PFKFB3: variants seen among roughly 807,000 people sequenced by gnomAD.
PFKFB3 encodes 6-phosphofructo-2-kinase/fructose-2,6-biphosphatase 3, also known as 6-phosphofructo-2-kinase/fructose-2,6-bisphosphatase 3.
Under a neutral mutation model 68.0 loss-of-function variants are expected in PFKFB3, and 33 were observed. That is an observed-to-expected ratio of 0.49 (90% CI 0.37 to 0.65). The LOEUF (loss-of-function observed/expected upper bound fraction) is 0.65, where lower values mean the gene tolerates loss of function less well. PFKFB3 is among the 30% of genes least tolerant of loss of function. The pLI is 0.00. For synonymous variants in PFKFB3, 315 were observed against 288.2 expected (o/e 1.09, Z -0.94); for missense variants, 586 against 712.2 (o/e 0.82, Z 2.02).
chr10:6,298,611 C>T, the PFKFB3 span, among the ~76,000 whole-genome samples: 1 of 152,168 alleles, frequency 6.6e-6, no homozygotes, highest in Non-Finnish European at 1.5e-5. Flanking sequence ...AGCAATCCTC[C>T]TGCCTCGGCC....
the PFKFB3 span, among the ~76,000 whole-genome samples, chr10:6,319,034 T>A: frequency 6.6e-6 from 1 of 152,170 alleles, no homozygotes; most frequent in Non-Finnish European, 1.5e-5. Context: ...TTGATCAATA[T>A]TCTCGGGAGG....
chr10:6,215,521 A>G lies in PFKFB3; in HGVS notation c.299+204A>G, dbSNP rs1455714806. Among the ~76,000 whole-genome samples, 1 of 151,920 alleles carries G rather than the reference A, an allele frequency of 6.6e-6. No homozygotes were observed. Among genetic ancestry groups the G allele is most frequent in the Admixed American group, 6.6e-5 (1 of 15,258 alleles). Reference sequence around the variant, plus strand: ...GAGCCAGGCTCTGTAGGAGGCAGAGAAAGCCGGCCTGCGGGTGGGTCCTGC... The same window carrying G: ...GAGCCAGGCTCTGTAGGAGGCAGAGGAAGCCGGCCTGCGGGTGGGTCCTGC... On this transcript the variant is annotated intron_variant, in intron 3 of 14. Transcript: ENST00000379775. This position sits in a 1 kb window ranked among gnomAD's most constrained non-coding sequence, Gnocchi z 4.3.
At chr10:6,271,319 C>G in the PFKFB3 span, among the ~76,000 whole-genome samples, 1 of 152,192 alleles carries the variant, frequency 6.6e-6, no homozygotes, top group Non-Finnish European at 1.5e-5. Flanking sequence ...TTTCCTGGTG[C>G]GTGTGTGATG....
At chr10:6,273,908 A>T in the PFKFB3 span, among the ~76,000 whole-genome samples, 9,283 of 152,166 alleles carry the variant, frequency 0.061, 518 homozygotes, top group African/African-American at 0.13. Context: ...ATCAGGAGAA[A>T]ATAAATTTTT....
At chr10:6,295,252 A>G in the PFKFB3 span, among the ~76,000 whole-genome samples, 5,279 of 151,804 alleles carry the variant, frequency 0.035, 296 homozygotes, top group African/African-American at 0.12. Flanking sequence ...AAGGAGTCTC[A>G]CTCTTGTTGC....
chr10:6,193,703 T>C (rs753178233), intron 1 of PFKFB3, among the ~76,000 whole-genome samples: 2 of 152,172 alleles, frequency 1.3e-5, no homozygotes, highest in Non-Finnish European at 2.9e-5. Flanking sequence ...TCTTATAGGT[T>C]TTGGGATAGG....
At chr10:6,252,863 G>A (rs1458460321) in intron 14 of PFKFB3, among the ~76,000 whole-genome samples, 1 of 152,218 alleles carries the variant, frequency 6.6e-6, no homozygotes, top group African/African-American at 2.4e-5. Flanking sequence ...AAGTAGGGGA[G>A]AGGGATGATA....
intron 14 of PFKFB3, chr10:6,231,165 TA>T (rs1845714812): frequency 1.1e-6 from 1 of 920,328 alleles, no homozygotes; most frequent in Non-Finnish European, 1.8e-6. Context: ...CCTTCATTTT[TA>T]AAATTTCAAA....
rs1028145122 is a variant in PFKFB3 at position 6,229,896 on chromosome 10, C to T, written c.1516-2999C>T. 1.3e-5 allele frequency among the ~76,000 whole-genome samples: 2 copies of T among 152,116 alleles called. No homozygotes were observed. Among genetic ancestry groups the T allele is most frequent in the Non-Finnish European group, 2.9e-5 (2 of 68,022 alleles). On this transcript the variant is annotated intron_variant, in intron 14 of 14. Coordinates refer to ENST00000379775, the MANE Select transcript of PFKFB3 (RefSeq NM_004566.4). This position sits in a 1 kb window ranked among gnomAD's most constrained non-coding sequence, Gnocchi z 4.3. ...AAGGGAACGCACAGCCTAGATCCCTCGTGTGTGCTCCTCCGAGTCAGGTGG... is the reference window on the plus strand; with the variant it reads ...AAGGGAACGCACAGCCTAGATCCCTTGTGTGTGCTCCTCCGAGTCAGGTGG...
rs628387 is a variant in PFKFB3, at chr10:6,169,102, G to A, written c.16+24089G>A. Among the ~76,000 whole-genome samples, 1,006 of 152,208 alleles carry A rather than the reference G, an allele frequency of 6.6e-3. 10 individuals carry two copies. Among genetic ancestry groups the A allele is most frequent in the Non-Finnish European group, 0.011 (731 of 68,022 alleles). ...GCTACAGGCATGTGCCACCACGCCC[G>A]GCAAATTTTTTGTATTTTTAGTAGA... On this transcript the variant is annotated intron_variant, in intron 1 of 14. Coordinates refer to the PFKFB3 transcript ENST00000379789.
At chr10:6,245,384 T>C (rs1056000000) in intron 14 of PFKFB3, among the ~76,000 whole-genome samples, 1 of 148,148 alleles carries the variant, frequency 6.8e-6, no homozygotes, top group Non-Finnish European at 1.5e-5. Flanking sequence ...CATGAGCTAC[T>C]GCACCCGGCC....
At chr10:6,230,719 CTT>C (rs758707598) in intron 14 of PFKFB3, among the ~76,000 whole-genome samples, 7 of 143,044 alleles carry the variant, frequency 4.9e-5, no homozygotes, top group Non-Finnish European at 9.2e-5. Flanking sequence ...GGCCTGAAGT[CTT>C]TTTTTTTTTT....
intron 1 of PFKFB3, among the ~76,000 whole-genome samples, chr10:6,208,173 C>T (rs186973352): frequency 2.1e-4 from 32 of 152,210 alleles, no homozygotes; most frequent in Admixed American, 6.5e-5. Context: ...CTCCTGGGCT[C>T]AAGCAATCCT....
intron 6 of PFKFB3, 99 bp downstream of exon 6, chr10:6,217,290 G>C (rs1452919006): frequency 2.8e-6 from 3 of 1,065,894 alleles, no homozygotes; most frequent in African/African-American, 3.1e-5. Flanking sequence ...CGGAAGCGCA[G>C]CTGAGCCCTT....
At chr10:6,151,309 C>T (rs571532331) in intron 1 of PFKFB3, among the ~76,000 whole-genome samples, 3 of 152,036 alleles carry the variant, frequency 2.0e-5, no homozygotes, top group East Asian at 2.0e-4. Flanking sequence ...CTGGCACTTC[C>T]GCAAGCAGCC....
the PFKFB3 span, among the ~76,000 whole-genome samples, chr10:6,286,532 C>T: frequency 9.9e-4 from 150 of 152,254 alleles, 1 homozygote; most frequent in African/African-American, 3.5e-3. Flanking sequence ...CGTAGGCCAC[C>T]GTGCCCAGTT....
intron 1 of PFKFB3, among the ~76,000 whole-genome samples, chr10:6,157,580 A>T (rs1317047151): frequency 6.6e-6 from 1 of 151,832 alleles, no homozygotes; most frequent in African/African-American, 2.4e-5. Context: ...TCTGTTTATA[A>T]TAAATGAGTC....
intron 1 of PFKFB3, among the ~76,000 whole-genome samples, chr10:6,155,265 C>T (rs890586815): frequency 1.4e-5 from 2 of 144,392 alleles, no homozygotes; most frequent in South Asian, 2.2e-4. Flanking sequence ...GGCAGTGGCG[C>T]GATCTCGGCT....
intron 1 of PFKFB3, among the ~76,000 whole-genome samples, chr10:6,207,424 G>A (rs963785513): frequency 2.6e-5 from 4 of 152,098 alleles, no homozygotes; most frequent in South Asian, 4.1e-4. Context: ...GAGGGAGACC[G>A]TGGGGAGAGG....
Sources: allele counts gnomAD v4.1 joint callset (sites outside exome capture counted in the v4.1 genomes callset), GRCh38; gene constraint gnomAD v4.1.1; non-coding constraint Gnocchi (gnomAD v3.1); transcripts MANE v1.5; gene names NCBI Gene and HGNC (gene_info 2026-07-23, HGNC 2026-07-21).